The following ASAP1 variants were observed in gnomAD, a reference collection of about 807,000 sequenced individuals.
The protein encoded by ASAP1 is ArfGAP with SH3 domain, ankyrin repeat and PH domain 1.
In ASAP1, 43 loss-of-function variants were observed where a neutral mutation model predicts 145.2. The ratio of observed to expected loss-of-function variants is 0.30; its 90% CI spans 0.23 to 0.38. The LOEUF is 0.38. Among genes scored for constraint, ASAP1 ranks in the 10% least tolerant of loss-of-function variants. ASAP1 has a pLI of 1.00. For synonymous variants in ASAP1, 546 were observed against 515.5 expected (o/e 1.06, Z -0.80); for missense variants, 1,018 against 1,355.3 (o/e 0.75, Z 3.91).
intron 25 of ASAP1, among the ~76,000 whole-genome samples, chr8:130,090,668 G>A (rs116092606): frequency 6.9e-4 from 105 of 152,216 alleles, no homozygotes; most frequent in African/African-American, 2.3e-3. Flanking sequence ...ACTTACCCAC[G>A]TGTGTCCTGC....
chr8:130,298,238 T>C (rs753807184), intron 3 of ASAP1, among the ~76,000 whole-genome samples: 1 of 152,204 alleles, frequency 6.6e-6, no homozygotes, highest in East Asian at 1.9e-4. Flanking sequence ...ATGGTGTCCA[T>C]ATCCACAAAC....
intron 16 of ASAP1, among the ~76,000 whole-genome samples, 154 bp from the exon 17 acceptor site, chr8:130,126,243 G>A (rs1411328307): frequency 2.0e-5 from 3 of 152,198 alleles, no homozygotes; most frequent in Non-Finnish European, 4.4e-5. Flanking sequence ...TAGCCTAGGG[G>A]CTACCATAAA....
intron 3 of ASAP1, among the ~76,000 whole-genome samples, chr8:130,326,483 C>A (rs528277875): frequency 6.6e-6 from 1 of 152,300 alleles, no homozygotes; most frequent in East Asian, 1.9e-4. Flanking sequence ...CAATACACAC[C>A]ACGAACAGAC....
Position 130,268,620 on chromosome 8 carries a change from G to C in ASAP1, c.187-31626C>G, listed in dbSNP as rs1268986350. ...ATGGCATGTATTTGAAGATGGTAAC[G>C]GTTAAAACAATGTATACAAGCAACA... is the stretch of plus-strand genomic sequence containing the variant. On this transcript the variant is annotated intron_variant, in intron 3 of 29. Coordinates refer to ENST00000518721, the MANE Select transcript of ASAP1 (RefSeq NM_018482.4). 2.6e-5 allele frequency among the ~76,000 whole-genome samples: 4 copies of C among 151,364 alleles called. 1 individual carries two copies. The highest frequency in any genetic ancestry group is 2.6e-4 in the Admixed American group (4 of 15,194).
chr8:130,282,467 T>C (rs1565168757), intron 3 of ASAP1, among the ~76,000 whole-genome samples: 1 of 152,220 alleles, frequency 6.6e-6, no homozygotes, highest in Non-Finnish European at 1.5e-5. Flanking sequence ...TGAAACTGCT[T>C]AAGGTTCACC....
intron 23 of ASAP1, among the ~76,000 whole-genome samples, chr8:130,114,355 T>C (rs532625145): frequency 1.3e-5 from 2 of 152,296 alleles, no homozygotes; most frequent in South Asian, 4.1e-4. Context: ...TGTAACACAA[T>C]GGTAATTACT....
intron 10 of ASAP1, 130 bp downstream of exon 10, chr8:130,168,862 T>C: frequency 1.9e-6 from 1 of 536,542 alleles, no homozygotes; most frequent in East Asian, 3.1e-5. Context: ...AAGGGTTATC[T>C]GTCCTAGGTT....
intron 3 of ASAP1, among the ~76,000 whole-genome samples, chr8:130,324,618 C>T (rs1220810567): frequency 6.6e-6 from 1 of 152,078 alleles, no homozygotes; most frequent in East Asian, 1.9e-4. Flanking sequence ...TTAATTATAT[C>T]CTAATATAAC....
chr8:130,303,745 T>C lies in ASAP1; in HGVS notation c.186+54272A>G, dbSNP rs571553532. Among the ~76,000 whole-genome samples the C allele has an allele frequency of 4.3e-4, 66 of 152,186 alleles. 2 individuals carry two copies. The South Asian group carries it at 0.013, about 31-fold the overall frequency. On this transcript the variant is annotated intron_variant, in intron 3 of 29. Transcript: ENST00000518721. Reference sequence around the variant, plus strand: ...CAAAACTATGTAGACAGCAAAAAGATCAGTGGTTGCCAGGGGTTTAGGATG... The same window carrying C: ...CAAAACTATGTAGACAGCAAAAAGACCAGTGGTTGCCAGGGGTTTAGGATG...
chr8:130,305,791 A>G (rs953152578), intron 3 of ASAP1, among the ~76,000 whole-genome samples: 3 of 152,204 alleles, frequency 2.0e-5, no homozygotes, highest in African/African-American at 7.2e-5. Flanking sequence ...CTGACCCTTA[A>G]GCAACTCCAA....
chr8:130,403,455 C>T (rs1183218541), intron 1 of ASAP1, among the ~76,000 whole-genome samples: 1 of 152,056 alleles, frequency 6.6e-6, no homozygotes, highest in Non-Finnish European at 1.5e-5. Flanking sequence ...AATAAAAATC[C>T]AAATCACTGA....
chr8:130,349,115 C>G (rs1044686672), intron 3 of ASAP1, among the ~76,000 whole-genome samples: 4 of 152,216 alleles, frequency 2.6e-5, no homozygotes, highest in African/African-American at 9.6e-5. Context: ...TCCCTTACTT[C>G]AGAGAGTACA....
chr8:130,140,320 T>C (rs2097607458), intron 13 of ASAP1, among the ~76,000 whole-genome samples: 1 of 152,048 alleles, frequency 6.6e-6, no homozygotes. Context: ...TGAGGCACCA[T>C]GCTGGCCTCA....
chr8:130,378,981 C>T (rs979733049), intron 2 of ASAP1, among the ~76,000 whole-genome samples: 7 of 152,158 alleles, frequency 4.6e-5, no homozygotes, highest in African/African-American at 1.7e-4. Context: ...ACTTCTGGCA[C>T]AGAACTCTTG....
At chr8:130,395,662 A>G (rs1828492962) in intron 2 of ASAP1, among the ~76,000 whole-genome samples, 1 of 143,022 alleles carries the variant, frequency 7.0e-6, no homozygotes, top group Non-Finnish European at 1.5e-5. Context: ...AAACTGTGAG[A>G]CAATACATTT....
chr8:130,081,261 C>A (rs141382136), intron 25 of ASAP1, among the ~76,000 whole-genome samples: 3 of 152,274 alleles, frequency 2.0e-5, no homozygotes, highest in Admixed American at 6.5e-5. Flanking sequence ...GGTAAGTGTG[C>A]TATGTCCAGG....
At chr8:130,167,426 T>C in intron 11 of ASAP1, 110 bp downstream of exon 11, 1 of 888,806 alleles carries the variant, frequency 1.1e-6, no homozygotes, top group Non-Finnish European at 1.9e-6. Flanking sequence ...AGGTACATAC[T>C]TGCATATTAT....
chr8:130,356,665 TG>T (rs1486388781), intron 3 of ASAP1, among the ~76,000 whole-genome samples: 2 of 152,204 alleles, frequency 1.3e-5, no homozygotes, highest in Non-Finnish European at 2.9e-5. Flanking sequence ...GAGAGAACTC[TG>T]GAAGTATGCC....
At chr8:130,429,905 C>A (rs938775295) in intron 1 of ASAP1, among the ~76,000 whole-genome samples, 2 of 152,216 alleles carry the variant, frequency 1.3e-5, no homozygotes, top group African/African-American at 4.8e-5. Context: ...ATAATAGCTG[C>A]CTGGAGGGCA....
Sources: gnomAD v4.1 joint callset for allele counts (sites outside exome capture counted in the v4.1 genomes callset) on GRCh38, gnomAD v4.1.1 for gene constraint, MANE v1.5 for transcripts, NCBI Gene and HGNC (gene_info 2026-07-23, HGNC 2026-07-21) for gene names.